The following STK10 variants were observed in gnomAD, a reference collection of about 807,000 sequenced individuals.
STK10 encodes the protein serine/threonine kinase 10, also known as serine/threonine-protein kinase 10.
In STK10, 78 loss-of-function variants were observed where a neutral mutation model predicts 113.8. The ratio of observed to expected loss-of-function variants is 0.69; its 90% CI spans 0.57 to 0.83. The LOEUF (loss-of-function observed/expected upper bound fraction) is 0.83. STK10 is among the 40% of genes least tolerant of loss of function. The probability of loss-of-function intolerance (pLI) is 0.00; values close to 1 mark genes in which losing one functional copy is unlikely to be tolerated. For synonymous variants in STK10, 465 were observed against 494.7 expected (o/e 0.94, Z 0.80); for missense variants, 1,109 against 1,280.1 (o/e 0.87, Z 2.04).
intron 5 of STK10, 23 bp from the exon 6 acceptor site, chr5:172,106,837 T>C (rs754218177): frequency 1.4e-5 from 22 of 1,605,656 alleles, no homozygotes; most frequent in East Asian, 4.5e-5. Context: ...AGGGACAACA[T>C]AGGGCTAAGA....
intron 14 of STK10, among the ~76,000 whole-genome samples, chr5:172,058,382 C>A (rs1215230664): frequency 6.6e-6 from 1 of 152,118 alleles, no homozygotes; most frequent in African/African-American, 2.4e-5. Context: ...ACTCAAGAAC[C>A]CTGTTTTGCT....
Position 172,187,821 on chromosome 5 carries a change from G to C in STK10, c.156+66C>G. 6.3e-7 allele frequency: 1 copy of C among 1,576,816 alleles called. No individual in the cohort carries two copies. The highest frequency in any genetic ancestry group is 8.6e-7 in the Non-Finnish European group (1 of 1,162,076). On this transcript the variant is annotated intron_variant, in intron 1 of 18. Transcript: ENST00000176763. The surrounding 1 kb of genome is among the most constrained non-coding windows in gnomAD (Gnocchi z 4.6). ...GCCGGAGCCAGGCTGGCCGGGTCCG[G>C]CTCAGGCATCCCTTCCTTCCGGAGC...
intron 2 of STK10, among the ~76,000 whole-genome samples, chr5:172,146,757 G>A (rs1770095703): frequency 6.6e-6 from 1 of 152,236 alleles, no homozygotes; most frequent in South Asian, 2.1e-4. Flanking sequence ...AAAGCTTGCT[G>A]TTGAGGAATA....
intron 2 of STK10, among the ~76,000 whole-genome samples, chr5:172,154,389 G>T (rs1581181764): frequency 1.3e-5 from 2 of 152,206 alleles, no homozygotes; most frequent in Middle Eastern, 3.4e-3. Context: ...TGCTGCCCTG[G>T]CCCTAGACTA....
At position 172,106,758 on chromosome 5, in the gene STK10, T is replaced by C. The variant is rs1410425962; in HGVS notation, c.650A>G (p.Lys217Arg). ...ETMKDTPYDY[K>R]ADIWSLGITL... ...GATGCCCAGGGACCAGATGTCGGCT[T>C]TGTAGTCGTAGGGCGTGTCTTTCAT... is the stretch of plus-strand genomic sequence containing the variant. Residue 217 changes from lysine to arginine, a missense_variant, in exon 6 of 19, where the codon AAA (lysine) becomes AGA (arginine). This residue lies in a region of STK10 where 885 missense variants were observed against 991.1 expected (regional missense o/e 0.89). Coordinates refer to ENST00000176763, the MANE Select transcript of STK10 (RefSeq NM_005990.4). The C allele has an allele frequency of 3.1e-6, 5 of 1,614,022 alleles. No individual in the cohort carries two copies.
intron 2 of STK10, among the ~76,000 whole-genome samples, chr5:172,142,240 GTCTTT>G (rs1769989138): frequency 6.6e-6 from 1 of 152,092 alleles, no homozygotes; most frequent in African/African-American, 2.4e-5. Flanking sequence ...CTACACAAAC[GTCTTT>G]AGAGCTGTGC....
chr5:172,049,918 T>C (rs1160055232), intron 18 of STK10, among the ~76,000 whole-genome samples: 1 of 152,246 alleles, frequency 6.6e-6, no homozygotes, highest in Non-Finnish European at 1.5e-5. Flanking sequence ...TTCTCCTGCC[T>C]CAGCCGCCCA....
chr5:172,055,539 C>T (rs968715572), intron 16 of STK10, 49 bp downstream of exon 16: 3 of 1,364,782 alleles, frequency 2.2e-6, no homozygotes, highest in Admixed American at 6.7e-5. Flanking sequence ...CAAACCTGGC[C>T]CTGCCTACAC....
At chr5:172,049,332 C>A (rs1030603670) in intron 18 of STK10, among the ~76,000 whole-genome samples, 6 of 152,022 alleles carry the variant, frequency 3.9e-5, no homozygotes, top group Admixed American at 2.0e-4. Context: ...GGACGGGGAG[C>A]CCAGAAGACA....
intron 16 of STK10, among the ~76,000 whole-genome samples, chr5:172,055,055 G>A (rs986096233): frequency 5.3e-5 from 8 of 152,230 alleles, no homozygotes; most frequent in African/African-American, 1.9e-4. Flanking sequence ...GAAGGGTGCA[G>A]GAGAATTGGC....
Position 172,188,075 on chromosome 5 carries a change from G to C in STK10, c.-33C>G. On this transcript the variant is annotated 5_prime_UTR_variant, in exon 1 of 19. Transcript: ENST00000176763. The surrounding 1 kb of genome is among the most constrained non-coding windows in gnomAD (Gnocchi z 5.6). ...GGCGCGGTGGCGCCGGCTCGGGCTC[G>C]GGCTCGGGCTCGGGCTGTGGCTTCG... 1 of 1,596,716 alleles carries C rather than the reference G, an allele frequency of 6.3e-7. No individual in the cohort carries two copies. The highest frequency in any genetic ancestry group is 8.5e-7 in the Non-Finnish European group (1 of 1,171,884).
chr5:172,080,233 CCA>C (rs1308970375), intron 12 of STK10, among the ~76,000 whole-genome samples: 1 of 152,150 alleles, frequency 6.6e-6, no homozygotes, highest in Non-Finnish European at 1.5e-5. Flanking sequence ...TCTGACTGCT[CCA>C]CAGACTGGCC....
chr5:172,064,127 C>G (rs1180556151), intron 13 of STK10, among the ~76,000 whole-genome samples: 1 of 152,130 alleles, frequency 6.6e-6, no homozygotes, highest in Non-Finnish European at 1.5e-5. Flanking sequence ...AGGGGAAAAA[C>G]AGCTACAGGA....
Position 172,083,000 on chromosome 5 carries a change from C to T in STK10, c.1770G>A (p.Gln590=). The T allele has an allele frequency of 6.2e-7, 1 of 1,614,074 alleles. No homozygotes were observed. The highest frequency in any genetic ancestry group is 8.5e-7 in the Non-Finnish European group (1 of 1,180,036). The change falls in exon 11 of 19, where the codon CAG becomes CAA. Residue 590 remains glutamine (Q), a synonymous_variant. Coordinates refer to ENST00000176763, the MANE Select transcript of STK10 (RefSeq NM_005990.4). The surrounding 1 kb of genome is among the most constrained non-coding windows in gnomAD (Gnocchi z 4.3). ...QTQLSNKHEL[Q]LEQMHKRFEQ... ...CAAAACGTTTATGCATTTGCTCCAG[C>T]TGCAGCTCATGCTTGTTACTCAGCT... is the stretch of plus-strand genomic sequence containing the variant.
chr5:172,144,770 C>G (rs1048366923), intron 2 of STK10, among the ~76,000 whole-genome samples: 3 of 152,108 alleles, frequency 2.0e-5, no homozygotes, highest in Non-Finnish European at 4.4e-5. Flanking sequence ...GGTTCCTAAG[C>G]GTGTACGTGC....
intron 3 of STK10, among the ~76,000 whole-genome samples, 189 bp from the exon 4 acceptor site, chr5:172,117,819 C>G (rs976109057): frequency 6.6e-6 from 1 of 151,990 alleles, no homozygotes; most frequent in Non-Finnish European, 1.5e-5. Context: ...TCAAGGCCAG[C>G]CTAGCCAAGA....
At chr5:172,139,037 T>C (rs1352297786) in intron 2 of STK10, among the ~76,000 whole-genome samples, 6 of 152,008 alleles carry the variant, frequency 3.9e-5, no homozygotes, top group Non-Finnish European at 8.8e-5. Flanking sequence ...AAATAAAAAT[T>C]AAAGATGACA....
At chr5:172,090,481 T>A in intron 9 of STK10, 119 bp from the exon 10 acceptor site, 1 of 1,392,016 alleles carries the variant, frequency 7.2e-7, no homozygotes, top group Non-Finnish European at 9.8e-7. Context: ...CCCAGAGAGA[T>A]GTGGCCATCC....
chr5:172,146,348 T>C (rs1341222265), intron 2 of STK10, among the ~76,000 whole-genome samples: 1 of 152,120 alleles, frequency 6.6e-6, no homozygotes, highest in Non-Finnish European at 1.5e-5. Context: ...AGGTAGGTAT[T>C]ATCATGACGG....
Sources: allele counts gnomAD v4.1 joint callset (sites outside exome capture counted in the v4.1 genomes callset), GRCh38; gene constraint gnomAD v4.1.1; regional missense constraint gnomAD v4.1.1; non-coding constraint Gnocchi (gnomAD v3.1); transcripts MANE v1.5; gene names NCBI Gene and HGNC (gene_info 2026-07-23, HGNC 2026-07-21).